Variants in SCMH1 observed in about 807,000 individuals in gnomAD.
SCMH1 encodes the protein polycomb protein SCMH1.
A neutral mutation model predicts 70.8 loss-of-function variants in SCMH1; 37 were observed. The ratio of observed to expected loss-of-function variants is 0.52; its 90% confidence interval spans 0.40 to 0.69. The LOEUF is 0.69. SCMH1 is among the 30% of genes least tolerant of loss of function. The pLI is 0.00. For synonymous variants in SCMH1, 292 were observed against 307.4 expected (o/e 0.95, Z 0.52); for missense variants, 607 against 827.3 (o/e 0.73, Z 3.27).
intron 1 of SCMH1, among the ~76,000 whole-genome samples, chr1:41,223,669 T>C (rs1006887210): frequency 2.0e-5 from 3 of 152,166 alleles, no homozygotes; most frequent in Non-Finnish European, 2.9e-5. Context: ...TGATTGTATA[T>C]GATGCAAGCT....
chr1:41,107,013 A>T (rs1572180078), intron 8 of SCMH1, among the ~76,000 whole-genome samples: 1 of 147,386 alleles, frequency 6.8e-6, no homozygotes, highest in African/African-American at 2.5e-5. Context: ...TTCCTTGACC[A>T]TACTTTTTTT....
At chr1:41,063,486 AT>A (rs1190496734) in intron 10 of SCMH1, among the ~76,000 whole-genome samples, 1 of 151,758 alleles carries the variant, frequency 6.6e-6, no homozygotes, top group Admixed American at 6.6e-5. Context: ...AATAATAATA[AT>A]AAAAAAAACA....
intron 8 of SCMH1, among the ~76,000 whole-genome samples, chr1:41,112,125 T>C (rs954291412): frequency 2.6e-5 from 4 of 152,240 alleles, no homozygotes; most frequent in African/African-American, 9.6e-5. Flanking sequence ...ATAAAAATTA[T>C]CTATATGAAA....
At chr1:41,058,574 G>A (rs1305050633) in intron 10 of SCMH1, among the ~76,000 whole-genome samples, 1 of 151,730 alleles carries the variant, frequency 6.6e-6, no homozygotes, top group Non-Finnish European at 1.5e-5. Context: ...TAGAGACGGG[G>A]TTTCACCGTG....
At chr1:41,101,244 T>C (rs1023141954) in intron 8 of SCMH1, among the ~76,000 whole-genome samples, 1 of 152,214 alleles carries the variant, frequency 6.6e-6, no homozygotes, top group Non-Finnish European at 1.5e-5. Context: ...CTATCACAAA[T>C]TAAAAGTGCT....
chr1:41,136,602 G>T (rs1056096682), intron 6 of SCMH1, among the ~76,000 whole-genome samples: 1 of 151,666 alleles, frequency 6.6e-6, no homozygotes, highest in Non-Finnish European at 1.5e-5. Flanking sequence ...TCAATCTCTT[G>T]ACCTTGTGAT....
intron 8 of SCMH1, among the ~76,000 whole-genome samples, chr1:41,083,210 G>A (rs1056806827): frequency 1.3e-5 from 2 of 152,162 alleles, no homozygotes; most frequent in Non-Finnish European, 2.9e-5. Flanking sequence ...GGACATGATT[G>A]TATATCTAGA....
At chr1:41,091,571 A>G (rs1663522667) in intron 8 of SCMH1, among the ~76,000 whole-genome samples, 1 of 152,342 alleles carries the variant, frequency 6.6e-6, no homozygotes, top group Non-Finnish European at 1.5e-5. Context: ...AGGGTATTCA[A>G]TTAGGAAAAG....
chr1:41,057,111 TG>T (rs1360992392), intron 10 of SCMH1, among the ~76,000 whole-genome samples: 1 of 151,430 alleles, frequency 6.6e-6, no homozygotes, highest in Non-Finnish European at 1.5e-5. Flanking sequence ...CCCAAAGAGG[TG>T]GGGGCGGGGA....
At chr1:41,168,167 C>CAGGCTTGGGAAGTTTTCTGACATA (rs372615687) in intron 2 of SCMH1, among the ~76,000 whole-genome samples, 7 of 152,012 alleles carry the variant, frequency 4.6e-5, no homozygotes, top group Admixed American at 1.3e-4. Flanking sequence ...TCTCCTTCCC[C>CAGGCTTGGGAAGTTTTCTGACATA]AGGCTTGGGA....
chr1:41,232,134 A>G (rs1468549219), intron 1 of SCMH1, among the ~76,000 whole-genome samples: 1 of 152,112 alleles, frequency 6.6e-6, no homozygotes, highest in Non-Finnish European at 1.5e-5. Context: ...TCTTAGGTAA[A>G]GTTATTATAT....
chr1:41,059,360 G>A (rs1651750376), intron 10 of SCMH1, among the ~76,000 whole-genome samples: 3 of 152,194 alleles, frequency 2.0e-5, no homozygotes, highest in Non-Finnish European at 2.9e-5. Flanking sequence ...GGATCGATGA[G>A]CAGAAGAGTG....
At chr1:41,094,907 C>A (rs1024190043) in intron 8 of SCMH1, among the ~76,000 whole-genome samples, 1 of 150,796 alleles carries the variant, frequency 6.6e-6, no homozygotes, top group South Asian at 2.1e-4. Flanking sequence ...AAAAAAAATT[C>A]TTTTTCCTAG....
intron 10 of SCMH1, among the ~76,000 whole-genome samples, chr1:41,049,953 G>A (rs1303447532): frequency 6.6e-6 from 1 of 152,004 alleles, no homozygotes; most frequent in Non-Finnish European, 1.5e-5. Context: ...CTACTTGGGA[G>A]GCTGAGGTGG....
chr1:41,147,377 T>C (rs1401482986), intron 5 of SCMH1, among the ~76,000 whole-genome samples: 4 of 152,220 alleles, frequency 2.6e-5, no homozygotes, highest in Admixed American at 6.5e-5. Flanking sequence ...AAGATATTCT[T>C]TGTAGACTAT....
chr1:41,233,325 T>C (rs1264318908), intron 1 of SCMH1, among the ~76,000 whole-genome samples: 2 of 152,226 alleles, frequency 1.3e-5, no homozygotes, highest in East Asian at 1.9e-4. Flanking sequence ...TTCTTTAGAA[T>C]ATCATCCCAT....
chr1:41,239,924 T>G (rs1455421727), intron 1 of SCMH1, among the ~76,000 whole-genome samples: 3 of 152,214 alleles, frequency 2.0e-5, no homozygotes, highest in Non-Finnish European at 4.4e-5. Context: ...CATGAGCCCC[T>G]GCATCCAGCC....
At chr1:41,033,881 G>C in intron 13 of SCMH1, 102 bp downstream of exon 14, 1 of 1,552,162 alleles carries the variant, frequency 6.4e-7, no homozygotes, top group Non-Finnish European at 8.8e-7. Context: ...GGGAACAACA[G>C]TACCATCTGA....
intron 8 of SCMH1, among the ~76,000 whole-genome samples, chr1:41,107,816 C>T (rs1668370347): frequency 6.6e-6 from 1 of 152,160 alleles, no homozygotes; most frequent in Admixed American, 6.5e-5. Context: ...CTGCGCCTAG[C>T]CTAGGATTAC....
Sources: gnomAD v4.1 joint callset for allele counts (sites outside exome capture counted in the v4.1 genomes callset) on GRCh38, gnomAD v4.1.1 for gene constraint, MANE v1.5 for transcripts, NCBI Gene and HGNC (gene_info 2026-07-23, HGNC 2026-07-21) for gene names.